Variants in POTEH observed in about 807,000 individuals in gnomAD.
POTEH encodes ANKRD26-like family C member 3.
Under a neutral mutation model 41.7 loss-of-function variants are expected in POTEH, and 6 were observed. The observed-to-expected ratio is 0.14, with a 90% CI of 0.08 to 0.28. The LOEUF is 0.28. POTEH is among the 10% of genes least tolerant of loss of function. POTEH has a pLI of 1.00. For synonymous variants in POTEH, 38 were observed against 179.9 expected, an observed-to-expected ratio of 0.21 and a Z score of 6.31; for missense variants, 115 against 533.5, an observed-to-expected ratio of 0.22 and a Z score of 7.73.
rs1454421349 is a variant in POTEH, at chr22:15,690,135, C to T, written c.58C>T (p.Leu20Phe). The change falls in exon 1 of 11, where the codon CTC (leucine) becomes TTC (phenylalanine). Residue 20 changes from leucine to phenylalanine, a missense_variant. Transcript: ENST00000343518. The part of the protein sequence containing the change: ...AASSVKKPFG[L>F]RSKMGKWCRH... ...CTCCTCTGTGAAGAAGCCATTTGGT[C>T]TCAGAAGCAAGATGGGCAAGTGGTG... The T allele has an allele frequency of 7.1e-7, 1 of 1,407,498 alleles. No homozygotes were observed. Among genetic ancestry groups the T allele is most frequent in the South Asian group, 1.2e-5 (1 of 85,946 alleles). 87.2% of individuals were successfully genotyped at this position (1,407,498 alleles called of 1,614,324 possible).
intron 1 of POTEH, among the ~76,000 whole-genome samples, chr22:15,691,981 G>GATATATATATATATATATATAT (rs1403078945): frequency 1.9e-4 from 23 of 122,934 alleles, no homozygotes; most frequent in Non-Finnish European, 3.3e-4. Flanking sequence ...TACATATGCA[G>GATATATATATATATATATATAT]ATACATATAT....
At chr22:15,703,601 A>C (rs1374325004) in intron 6 of POTEH, among the ~76,000 whole-genome samples, 3 of 145,248 alleles carry the variant, frequency 2.1e-5, no homozygotes, top group Non-Finnish European at 4.5e-5. Flanking sequence ...CAAATTGCCC[A>C]ACTCTAGGCT....
At position 15,692,795 on chromosome 22, in the gene POTEH, A is replaced by AGTTTG. The variant is rs565209772; in HGVS notation, c.632+2086_632+2087insGTTTG. On this transcript the variant is annotated intron_variant, in intron 1 of 10. Transcript: ENST00000343518. The stretch of plus-strand genomic sequence containing the variant: ...ATGAAATACTGTTTTCTATCCACAA[A>AGTTTG]TGAGGATGAATAACAGTGGTACTTA... 8.4e-5 allele frequency among the ~76,000 whole-genome samples: 11 copies of AGTTTG among 130,218 alleles called. 1 individual carries two copies. Among genetic ancestry groups the AGTTTG allele is most frequent in the East Asian group, 8.1e-4 (4 of 4,964 alleles). The allele number at this position is 130,218 out of a possible 152,430, so 85.4% of individuals were successfully genotyped here.
chr22:15,692,407 A>G (rs1194437782), intron 1 of POTEH, among the ~76,000 whole-genome samples: 6 of 147,532 alleles, frequency 4.1e-5, no homozygotes, highest in African/African-American at 9.8e-5. Context: ...TTCCTGGTAG[A>G]AGAAGGAATT....
chr22:15,691,979 C>CAGATATATATATATATATAT (rs1327108007), intron 1 of POTEH, among the ~76,000 whole-genome samples: 1 of 90,196 alleles, frequency 1.1e-5, no homozygotes, highest in African/African-American at 4.0e-5. Context: ...TTTACATATG[C>CAGATATATATATATATATAT]AGATACATAT....
Position 15,719,647 on chromosome 22 carries a change from A to AT in POTEH, c.1521-5dup, listed in dbSNP as rs768863362. 38 of 519,516 alleles carry AT rather than the reference A, an allele frequency of 7.3e-5. No individual in the cohort carries two copies. The highest frequency in any genetic ancestry group is 1.8e-4 in the South Asian group (8 of 43,640). The allele number at this position is 519,516 out of a possible 1,614,324, so 32.2% of individuals were successfully genotyped here. On this transcript the variant is annotated splice_polypyrimidine_tract_variant and intron_variant, in intron 9 of 10. Coordinates refer to ENST00000343518, the MANE Select transcript of POTEH (RefSeq NM_001136213.1). ...CACCTCCAGTATTTCATGAAAATTA[A>AT]TTTTTTTTCTAGTGATGAACAAAAT...
chr22:15,691,495 G>A (rs73387903), intron 1 of POTEH, among the ~76,000 whole-genome samples: 1 of 110,934 alleles, frequency 9.0e-6, no homozygotes, highest in Non-Finnish European at 2.0e-5. Context: ...CACTGTAGTA[G>A]AGCCTGGGAG....
At chr22:15,710,841 ATCCTT>A in intron 8 of POTEH, 22 bp from the exon 9 acceptor site, 1 of 1,612,284 alleles carries the variant, frequency 6.2e-7, no homozygotes, top group Non-Finnish European at 8.5e-7. Context: ...AGGGATAACT[ATCCTT>A]AATATCAAAC....
intron 9 of POTEH, among the ~76,000 whole-genome samples, chr22:15,713,609 C>T (rs1601503626): frequency 1.3e-5 from 2 of 152,272 alleles, no homozygotes; most frequent in East Asian, 1.9e-4. Flanking sequence ...CAGCGCTTCT[C>T]CTGCCTCAGC....
chr22:15,709,360 G>A (rs1432606064), intron 7 of POTEH, among the ~76,000 whole-genome samples: 3 of 133,524 alleles, frequency 2.2e-5, no homozygotes, highest in African/African-American at 8.8e-5. Flanking sequence ...TGCACTGTAG[G>A]GGCTCACTAG....
At chr22:15,692,346 G>T (rs2123824985) in intron 1 of POTEH, among the ~76,000 whole-genome samples, 1 of 146,566 alleles carries the variant, frequency 6.8e-6, no homozygotes, top group East Asian at 2.0e-4. Context: ...ATTGGGCAAA[G>T]TACTTTTTTG....
chr22:15,691,966 C>T (rs76773885), intron 1 of POTEH, among the ~76,000 whole-genome samples: 49,054 of 119,514 alleles, frequency 0.41, 6,456 homozygotes, highest in African/African-American at 0.47. Flanking sequence ...ACACAAGTGC[C>T]TATTTACATA....
chr22:15,692,009 A>ATATATAAATAAAAC (rs1421248855), intron 1 of POTEH, among the ~76,000 whole-genome samples: 92 of 128,188 alleles, frequency 7.2e-4, no homozygotes, highest in Middle Eastern at 4.1e-3. Flanking sequence ...TATATATATA[A>ATATATAAATAAAAC]ATTTCTTTTT....
intron 1 of POTEH, among the ~76,000 whole-genome samples, chr22:15,691,213 A>G (rs937143430): frequency 2.1e-5 from 3 of 140,260 alleles, no homozygotes; most frequent in African/African-American, 5.1e-5. Flanking sequence ...GAATAGGAAG[A>G]TTGAATTTTC....
Position 15,714,084 on chromosome 22 carries a change from C to T in POTEH, c.1520+3050C>T, listed in dbSNP as rs1387199306. Among the ~76,000 whole-genome samples, 10 of 151,934 alleles carry T rather than the reference C, an allele frequency of 6.6e-5. No homozygotes were observed. In the South Asian group the frequency reaches 1.3e-3, roughly 19 times the overall value. The stretch of plus-strand genomic sequence containing the variant: ...CTTCCAGTTGCTCTGCCAAAAACCT[C>T]GGTGTCATTCTAGACTCATCTTTCT... On this transcript the variant is annotated intron_variant, in intron 9 of 10. Coordinates refer to ENST00000343518, the MANE Select transcript of POTEH (RefSeq NM_001136213.1).
intron 6 of POTEH, 108 bp from the exon 7 acceptor site, chr22:15,707,912 C>T: frequency 7.0e-7 from 1 of 1,422,950 alleles, no homozygotes; most frequent in Non-Finnish European, 9.3e-7. Flanking sequence ...AGATTAAACA[C>T]TCAATTTATG....
chr22:15,710,091 A>AT (rs1358096090), intron 8 of POTEH, among the ~76,000 whole-genome samples: 1 of 148,216 alleles, frequency 6.7e-6, no homozygotes, highest in Non-Finnish European at 1.5e-5. Context: ...TGGATCAATA[A>AT]TTTTATCTTT....
At chr22:15,695,991 G>A (rs1489095981) in intron 3 of POTEH, among the ~76,000 whole-genome samples, 173 bp downstream of exon 3, 1 of 50,928 alleles carries the variant, frequency 2.0e-5, no homozygotes, top group Non-Finnish European at 4.2e-5. Flanking sequence ...TTTCAAAGAA[G>A]CATTAGAGGG....
intron 9 of POTEH, among the ~76,000 whole-genome samples, chr22:15,713,502 A>T (rs1223712821): frequency 6.8e-6 from 1 of 146,578 alleles, no homozygotes; most frequent in East Asian, 2.0e-4. Flanking sequence ...CTTTCTCATG[A>T]CATTTTTTTT....
Sources: allele counts gnomAD v4.1 joint callset (sites outside exome capture counted in the v4.1 genomes callset), GRCh38; gene constraint gnomAD v4.1.1; transcripts MANE v1.5; gene names NCBI Gene and HGNC (gene_info 2026-07-23, HGNC 2026-07-21).